The following PLXNA2 variants were observed in gnomAD, a reference collection of about 807,000 sequenced individuals.
The protein encoded by PLXNA2 is plexin A2.
A neutral mutation model predicts 193.5 loss-of-function variants in PLXNA2; 91 were observed. The ratio of observed to expected loss-of-function variants is 0.47; its 90% confidence interval spans 0.40 to 0.56. PLXNA2 has a LOEUF of 0.56. Ranked by LOEUF, PLXNA2 falls within the 20% of genes least tolerant of loss-of-function variation. The probability of loss-of-function intolerance (pLI) is 0.00; values close to 1 mark genes in which losing one functional copy is unlikely to be tolerated. For missense variants in PLXNA2, 1,995 were observed against 2,503.2 expected (o/e 0.80, Z 4.33); for synonymous variants, 997 against 1,027.3 (o/e 0.97, Z 0.56).
chr1:208,102,633 C>T (rs1004331985), intron 5 of PLXNA2, among the ~76,000 whole-genome samples: 3 of 152,202 alleles, frequency 2.0e-5, no homozygotes, highest in Non-Finnish European at 2.9e-5. Flanking sequence ...TTATTTCATT[C>T]AGTCTTCACA....
intron 4 of PLXNA2, among the ~76,000 whole-genome samples, chr1:208,123,069 C>T (rs1667855623): frequency 6.6e-6 from 1 of 152,168 alleles, no homozygotes. Context: ...TTAGTAGTCA[C>T]TCCCATTCCC....
chr1:208,240,604 C>T lies in PLXNA2; in HGVS notation c.-81+3039G>A, dbSNP rs567576827. Among the ~76,000 whole-genome samples, 9 of 151,932 alleles carry T rather than the reference C, an allele frequency of 5.9e-5. 1 individual carries two copies. Among genetic ancestry groups the T allele is most frequent in the African/African-American group, 1.7e-4 (7 of 41,440 alleles). On this transcript the variant is annotated intron_variant, in intron 1 of 31. Transcript: ENST00000367033. ...GATAACAGACTGCCCCTGGGTGGGG[C>T]GGTGGTGATTGGGGCTGAGGGGGGA...
intron 3 of PLXNA2, among the ~76,000 whole-genome samples, chr1:208,186,221 A>G (rs1280746948): frequency 2.0e-5 from 3 of 152,238 alleles, no homozygotes; most frequent in South Asian, 2.1e-4. Flanking sequence ...GTAGGTGGAG[A>G]CAACCCCTGT....
At chr1:208,229,713 C>T (rs1372842797) in intron 1 of PLXNA2, among the ~76,000 whole-genome samples, 1 of 152,208 alleles carries the variant, frequency 6.6e-6, no homozygotes, top group Non-Finnish European at 1.5e-5. Flanking sequence ...ATAATCTAGA[C>T]TTGTGCAGGA....
At chr1:208,045,755 C>T (rs1665041550) in intron 18 of PLXNA2, 123 bp downstream of exon 18, 2 of 1,226,164 alleles carry the variant, frequency 1.6e-6, no homozygotes, top group Non-Finnish European at 2.3e-6. Context: ...AGGAAGGAGA[C>T]AGCTTTGCAA....
intron 3 of PLXNA2, among the ~76,000 whole-genome samples, chr1:208,180,824 A>C (rs1362037814): frequency 6.6e-6 from 1 of 152,224 alleles, no homozygotes; most frequent in African/African-American, 2.4e-5. Flanking sequence ...GGGATGGAAG[A>C]TATCCCAGGA....
chr1:208,152,461 T>G (rs1668794726), intron 3 of PLXNA2, among the ~76,000 whole-genome samples: 1 of 152,236 alleles, frequency 6.6e-6, no homozygotes, highest in African/African-American at 2.4e-5. Context: ...ATTCTTGTTC[T>G]AATCTATTCT....
rs954741586 is a variant in PLXNA2, at chr1:208,146,977, A to G, written c.1372-4514T>C. On this transcript the variant is annotated intron_variant, in intron 3 of 31. Transcript: ENST00000367033. Reference sequence around the variant, plus strand: ...AGCCAGATAGCACAAGGAACAGAAGAGAGTGACAGTCTTTACTGAGACCAG... The same window carrying G: ...AGCCAGATAGCACAAGGAACAGAAGGGAGTGACAGTCTTTACTGAGACCAG... 3.9e-5 allele frequency among the ~76,000 whole-genome samples: 6 copies of G among 152,194 alleles called. No homozygotes were observed. In the South Asian group the frequency reaches 1.0e-3, roughly 26 times the overall value.
At position 208,033,506 on chromosome 1, in the gene PLXNA2, G is replaced by A; in HGVS notation, c.4868C>T (p.Ser1623Phe). The A allele has an allele frequency of 6.2e-7, 1 of 1,601,036 alleles. No individual in the cohort carries two copies. Among genetic ancestry groups the A allele is most frequent in the South Asian group, 1.1e-5 (1 of 90,354 alleles). Residue 1623 changes from serine (S) to phenylalanine (F), a missense_variant, in exon 28 of 32, where the codon TCC (serine) becomes TTC (phenylalanine). Physicochemically the swap from Ser to Phe is radical, Grantham distance 155. Transcript: ENST00000367033. ...GGGGCTGCCCGTATACCTGAAGGAG[G>A]AGTCTGAGGAGAAGGGGTTGGTGGA... is the stretch of plus-strand genomic sequence containing the variant. ...ISRTSISRYD[S>F]SFRYTGSPDS...
In PLXNA2 at chr1:208,043,785, C is replaced by T. The variant is rs148819629; in HGVS notation, c.3875-582G>A. On this transcript the variant is annotated intron_variant, in intron 20 of 31. Coordinates refer to ENST00000367033, the MANE Select transcript of PLXNA2 (RefSeq NM_025179.4). ...AACCTTGGCTCCACATGTCCTATTT[C>T]CCAGCCCAGCTCTTCCCTGTCATCC... 5.5e-3 allele frequency among the ~76,000 whole-genome samples: 840 copies of T among 152,352 alleles called. 30 individuals are homozygous for T. The highest frequency in any genetic ancestry group is 0.052 in the Admixed American group (800 of 15,310).
chr1:208,152,675 A>ACACG (rs1553288556), intron 3 of PLXNA2, among the ~76,000 whole-genome samples: 1 of 114,726 alleles, frequency 8.7e-6, no homozygotes, highest in Admixed American at 8.8e-5. Context: ...ACATACACAC[A>ACACG]CACACACGCA....
intron 3 of PLXNA2, among the ~76,000 whole-genome samples, chr1:208,143,439 G>C (rs190063460): frequency 2.0e-4 from 31 of 152,258 alleles, no homozygotes; most frequent in African/African-American, 6.0e-4. Context: ...TTACTATAAG[G>C]GTTTGAAAAG....
chr1:208,102,471 C>T (rs545404925), intron 5 of PLXNA2, among the ~76,000 whole-genome samples: 7 of 152,310 alleles, frequency 4.6e-5, no homozygotes, highest in South Asian at 4.1e-4. Context: ...TGGTATTCAA[C>T]GGCAGATCAT....
At chr1:208,196,789 T>G (rs1034116544) in intron 3 of PLXNA2, among the ~76,000 whole-genome samples, 2 of 152,132 alleles carry the variant, frequency 1.3e-5, no homozygotes, top group African/African-American at 4.8e-5. Flanking sequence ...TAATTTTATG[T>G]GTGTTGTCCC....
chr1:208,065,822 T>C (rs1223855022), intron 12 of PLXNA2, among the ~76,000 whole-genome samples: 1 of 152,162 alleles, frequency 6.6e-6, no homozygotes, highest in Non-Finnish European at 1.5e-5. Context: ...GACATCATCC[T>C]TTCACCCAAA....
chr1:208,199,735 G>A (rs1262918453), intron 3 of PLXNA2, among the ~76,000 whole-genome samples: 4 of 151,922 alleles, frequency 2.6e-5, no homozygotes, highest in South Asian at 2.1e-4. Context: ...ATATAGGGAA[G>A]GGCCCCAAAA....
chr1:208,098,664 C>G (rs550500496), intron 6 of PLXNA2, among the ~76,000 whole-genome samples, 182 bp downstream of exon 6: 1 of 152,184 alleles, frequency 6.6e-6, no homozygotes, highest in Admixed American at 6.5e-5. Flanking sequence ...TGCAGGGAAA[C>G]TGGAGAATGA....
At chr1:208,197,930 T>C (rs559404113) in intron 3 of PLXNA2, among the ~76,000 whole-genome samples, 6 of 152,232 alleles carry the variant, frequency 3.9e-5, no homozygotes, top group Non-Finnish European at 5.9e-5. Context: ...AATACAAATA[T>C]AGAATGTATA....
At chr1:208,075,701 C>T (rs578129986) in intron 12 of PLXNA2, among the ~76,000 whole-genome samples, 119 of 152,216 alleles carry the variant, frequency 7.8e-4, no homozygotes, top group African/African-American at 2.8e-3. Context: ...TCCGTAATTA[C>T]TTCTACATTT....
Sources: gnomAD v4.1 joint callset for allele counts (sites outside exome capture counted in the v4.1 genomes callset) on GRCh38, gnomAD v4.1.1 for gene constraint, MANE v1.5 for transcripts, NCBI Gene and HGNC (gene_info 2026-07-23, HGNC 2026-07-21) for gene names.